Variants in CHMP3 observed in about 807,000 individuals in gnomAD.
CHMP3 encodes 25.1 protein.
A neutral mutation model predicts 27.4 loss-of-function variants in CHMP3; 8 were observed. The observed-to-expected ratio is 0.29, with a 90% confidence interval of 0.17 to 0.53. The LOEUF is 0.53. CHMP3 is among the 20% of genes least tolerant of loss of function. CHMP3 has a pLI of 0.96. For synonymous variants in CHMP3, 86 were observed against 85.5 expected (o/e 1.01, Z -0.03); for missense variants, 208 against 271.5 (o/e 0.77, Z 1.64).
At chr2:86,526,444 G>C (rs976488795) in intron 3 of CHMP3, among the ~76,000 whole-genome samples, 2 of 152,170 alleles carry the variant, frequency 1.3e-5, no homozygotes, top group African/African-American at 4.8e-5. Flanking sequence ...ATATAAATTA[G>C]TAAAGCTTCT....
chr2:86,546,465 T>G (rs1676611034), intron 1 of CHMP3, among the ~76,000 whole-genome samples: 1 of 151,150 alleles, frequency 6.6e-6, no homozygotes, highest in South Asian at 2.1e-4. Context: ...GAGACGGACT[T>G]TCGCTCTTGT....
chr2:86,536,249 C>T (rs562367238), intron 2 of CHMP3, among the ~76,000 whole-genome samples: 360 of 151,888 alleles, frequency 2.4e-3, no homozygotes, highest in African/African-American at 8.1e-3. Flanking sequence ...CCGCCCGCCT[C>T]GGCCTCCCAA....
chr2:86,550,701 A>G (rs1036515814), intron 1 of CHMP3, among the ~76,000 whole-genome samples: 2 of 152,182 alleles, frequency 1.3e-5, no homozygotes, highest in African/African-American at 4.8e-5. Flanking sequence ...CATGGGTTCT[A>G]CATGTGTGGA....
Position 86,546,438 on chromosome 2 carries a change from C to CT in CHMP3, c.46-4127dup, listed in dbSNP as rs201399690. 5.9e-3 allele frequency among the ~76,000 whole-genome samples: 809 copies of CT among 136,024 alleles called. 6 individuals are homozygous for CT. Among genetic ancestry groups the CT allele is most frequent in the Non-Finnish European group, 7.3e-3 (459 of 62,754 alleles). The allele number at this position is 136,024 out of a possible 152,430, so 89.2% of individuals were successfully genotyped here. Reference sequence around the variant, plus strand: ...TTTCTTAATGCCCAGTGAAGTTGGACTTTTTTTTTTTTTTTTGAGACGGAC... The same window carrying CT: ...TTTCTTAATGCCCAGTGAAGTTGGACTTTTTTTTTTTTTTTTTGAGACGGAC... On this transcript the variant is annotated intron_variant, in intron 1 of 5. Transcript: ENST00000263856.
rs191160939 is a variant in CHMP3 at position 86,547,319 on chromosome 2, T to G, written c.46-5007A>C. On this transcript the variant is annotated intron_variant, in intron 1 of 5. Transcript: ENST00000263856. ...AAATTTCAGCCATAAATAACACTTA[T>G]GTAACAATCTTCAGAAACTTTCTAT... 1.9e-4 allele frequency among the ~76,000 whole-genome samples: 29 copies of G among 152,358 alleles called. No homozygotes were observed. The East Asian group carries it at 5.6e-3, about 29-fold the overall frequency.
intron 1 of CHMP3, among the ~76,000 whole-genome samples, chr2:86,544,848 T>C (rs969983456): frequency 3.3e-5 from 5 of 152,238 alleles, no homozygotes; most frequent in Admixed American, 3.3e-4. Flanking sequence ...TGATGGTTGC[T>C]GTCTCTTCGG....
intron 1 of CHMP3, among the ~76,000 whole-genome samples, chr2:86,558,407 C>T (rs1373474362): frequency 6.6e-6 from 1 of 152,158 alleles, no homozygotes; most frequent in East Asian, 1.9e-4. Flanking sequence ...TAGAGAGTTC[C>T]TTGAAACATT....
intron 2 of CHMP3, among the ~76,000 whole-genome samples, chr2:86,541,800 C>G (rs1305461890): frequency 1.3e-5 from 2 of 152,150 alleles, no homozygotes; most frequent in Non-Finnish European, 2.9e-5. Context: ...ATGATATTAA[C>G]TCTTCTCCAA....
At chr2:86,547,886 T>C (rs187533738) in intron 1 of CHMP3, among the ~76,000 whole-genome samples, 111 of 152,304 alleles carry the variant, frequency 7.3e-4, no homozygotes, top group African/African-American at 2.3e-3. Context: ...AAGGAACCTA[T>C]AGAAAGAGTT....
At chr2:86,547,159 A>C (rs1472749610) in intron 1 of CHMP3, among the ~76,000 whole-genome samples, 1 of 152,174 alleles carries the variant, frequency 6.6e-6, no homozygotes, top group Admixed American at 6.5e-5. Flanking sequence ...ATGATTACTT[A>C]CAAATATAGA....
At chr2:86,517,155 T>G (rs534393555) in intron 3 of CHMP3, among the ~76,000 whole-genome samples, 1 of 152,310 alleles carries the variant, frequency 6.6e-6, no homozygotes, top group African/African-American at 2.4e-5. Flanking sequence ...AAAGTAACAT[T>G]ACATTCCCAC....
rs33977886 is a variant in CHMP3, at chr2:86,534,196, CTTTTTTTTTTTTT to C, written c.107-4812_107-4800del. 9.1e-4 allele frequency among the ~76,000 whole-genome samples: 61 copies of C among 66,944 alleles called. 1 individual carries two copies. The highest frequency in any genetic ancestry group is 3.2e-3 in the African/African-American group (58 of 17,862). 43.9% of individuals were successfully genotyped at this position (66,944 alleles called of 152,430 possible). On this transcript the variant is annotated intron_variant, in intron 2 of 5. Transcript: ENST00000263856. Reference sequence around the variant, plus strand: ...ATCTTTAGATCCAATTGCTTTATTTCTTTTTTTTTTTTTTTTTTTTTTTTTTGAGATGGAGCCT... The same window carrying C: ...ATCTTTAGATCCAATTGCTTTATTTCTTTTTTTTTTTTTGAGATGGAGCCT...
chr2:86,536,974 C>G (rs1676170725), intron 2 of CHMP3, among the ~76,000 whole-genome samples: 1 of 151,968 alleles, frequency 6.6e-6, no homozygotes, highest in Non-Finnish European at 1.5e-5. Context: ...CTTACTACAG[C>G]CTCAACTTCC....
intron 3 of CHMP3, chr2:86,515,253 CATT>C (rs1675252167): frequency 1.3e-5 from 2 of 152,100 alleles, no homozygotes; most frequent in Non-Finnish European, 2.9e-5. Context: ...TGCAGGGCCA[CATT>C]AATCTTCTCA....
intron 3 of CHMP3, among the ~76,000 whole-genome samples, chr2:86,519,437 G>T (rs1232905891): frequency 6.6e-6 from 1 of 152,056 alleles, no homozygotes; most frequent in Non-Finnish European, 1.5e-5. Flanking sequence ...GAAGAAACTG[G>T]AGGACGGAAA....
chr2:86,544,449 G>A (rs1204455483), intron 1 of CHMP3, among the ~76,000 whole-genome samples: 3 of 151,760 alleles, frequency 2.0e-5, no homozygotes, highest in East Asian at 1.9e-4. Flanking sequence ...AGATAAACAC[G>A]TGAACAAAGG....
At chr2:86,511,556 T>G (rs1040996008) in intron 3 of CHMP3, 2 of 151,542 alleles carry the variant, frequency 1.3e-5, no homozygotes, top group African/African-American at 4.8e-5. Context: ...TTTTATAAAT[T>G]TATAAAATTT....
intron 3 of CHMP3, among the ~76,000 whole-genome samples, chr2:86,521,212 C>T (rs1432284581): frequency 6.6e-6 from 1 of 152,046 alleles, no homozygotes; most frequent in East Asian, 1.9e-4. Flanking sequence ...TGGACTCAGC[C>T]CACCTGCACC....
intron 3 of CHMP3, among the ~76,000 whole-genome samples, chr2:86,519,987 T>C (rs929503335): frequency 4.6e-5 from 7 of 152,182 alleles, no homozygotes; most frequent in African/African-American, 1.7e-4. Flanking sequence ...ACGGCTCAAA[T>C]TTGTAGACCT....
Sources: allele counts gnomAD v4.1 joint callset (sites outside exome capture counted in the v4.1 genomes callset), GRCh38; gene constraint gnomAD v4.1.1; transcripts MANE v1.5; gene names NCBI Gene and HGNC (gene_info 2026-07-23, HGNC 2026-07-21).